AKAP9: variants seen among roughly 807,000 people sequenced by gnomAD.
AKAP9 encodes the protein A-kinase anchoring protein 9.
A neutral mutation model predicts 488.5 loss-of-function variants in AKAP9; 311 were observed. That is an observed-to-expected ratio of 0.64 (90% CI 0.58 to 0.70). The LOEUF (loss-of-function observed/expected upper bound fraction) is 0.70. Among genes scored for constraint, AKAP9 ranks in the 30% least tolerant of loss-of-function variants. AKAP9 has a pLI of 0.00. For missense variants in AKAP9, 4,215 were observed against 4,374.5 expected (o/e 0.96, Z 1.03); for synonymous variants, 1,462 against 1,483.5 (o/e 0.99, Z 0.33).
In AKAP9 at chr7:92,042,728, A is replaced by G. The variant is rs1473863937; in HGVS notation, c.5119A>G (p.Arg1707Gly). The change falls in exon 20 of 50, where the codon AGA becomes GGA. Residue 1707 changes from arginine to glycine, a missense_variant. By Grantham distance (125) the Arg-to-Gly change is moderately radical (BLOSUM62 -2). Transcript: ENST00000356239. ...EQTFKEKELD[R>G]KPEDVPPEIL... ...AACATTTAAAGAAAAGGAATTAGAC[A>G]GAAAACCTGAAGATGTGCCTCCTGA... 6.2e-7 allele frequency: 1 copy of G among 1,612,182 alleles called. No homozygotes were observed.
Position 92,077,827 on chromosome 7 carries a change from A to T in AKAP9, c.6897A>T (p.Glu2299Asp), listed in dbSNP as rs756994779. The T allele has an allele frequency of 6.2e-7, 1 of 1,613,794 alleles. No homozygotes were observed. ...EKEVEIDQLNEQVTKLQQQLK... is the reference protein window; with the variant it reads ...EKEVEIDQLNDQVTKLQQQLK... ...AGGTAGAAATTGACCAATTAAATGA[A>T]CAAGTTACGAAACTCCAGCAGCAAC... Residue 2299 changes from glutamate to aspartate, a missense_variant, in exon 30 of 50, where the codon GAA becomes GAT. This residue lies in a region of AKAP9 where 1,476 missense variants were observed against 1,477.4 expected (regional missense o/e 1.00). Transcript: ENST00000356239.
At chr7:92,033,442 C>CTTTTTTTTTTTTTTTT (rs35497475) in intron 16 of AKAP9, among the ~76,000 whole-genome samples, 24 of 107,370 alleles carry the variant, frequency 2.2e-4, no homozygotes, top group Non-Finnish European at 2.8e-4. Context: ...CTTTTCTTTT[C>CTTTTTTTTTTTTTTTT]TTTTTTTTTT....
chr7:92,010,304 T>C (rs1800517682), intron 8 of AKAP9, among the ~76,000 whole-genome samples: 1 of 152,254 alleles, frequency 6.6e-6, no homozygotes, highest in African/African-American at 2.4e-5. Flanking sequence ...GCTTGTTTAC[T>C]CATGTGGTCC....
chr7:91,943,213 CA>C (rs546278330), intron 1 of AKAP9, among the ~76,000 whole-genome samples: 69 of 148,056 alleles, frequency 4.7e-4, no homozygotes, highest in African/African-American at 1.5e-3. Flanking sequence ...AACAAACAAA[CA>C]AAAAAAAACC....
At chr7:92,093,435 T>C (rs1218616388) in intron 39 of AKAP9, 119 bp downstream of exon 39, 1 of 877,546 alleles carries the variant, frequency 1.1e-6, no homozygotes, top group Non-Finnish European at 1.8e-6. Context: ...TGCAACTGTT[T>C]TTTTTAGGAA....
chr7:92,102,720 C>G lies in AKAP9; in HGVS notation c.11224C>G (p.Arg3742Gly). 1 of 1,614,160 alleles carries G rather than the reference C, an allele frequency of 6.2e-7. No homozygotes were observed. Among genetic ancestry groups the G allele is most frequent in the Non-Finnish European group, 8.5e-7 (1 of 1,180,028 alleles). The change falls in exon 46 of 50, where the codon CGG (arginine) becomes GGG (glycine). Residue 3742 changes from arginine to glycine, a missense_variant. Transcript: ENST00000356239. ...AGATGCCACCTTGGCCCTGCTTGCC[C>G]GGATGGGGGGGCAGCCAGCTTTCAC... ...CEDATLALLA[R>G]MGGQPAFTDL...
intron 1 of AKAP9, among the ~76,000 whole-genome samples, chr7:91,964,295 A>C (rs1316965515): frequency 6.6e-6 from 1 of 152,212 alleles, no homozygotes; most frequent in African/African-American, 2.4e-5. Flanking sequence ...TTTCATAAAA[A>C]TAGATTATGC....
chr7:92,050,708 C>T (rs558956947), intron 21 of AKAP9, among the ~76,000 whole-genome samples: 3 of 152,276 alleles, frequency 2.0e-5, no homozygotes, highest in Admixed American at 6.5e-5. Context: ...TATCTACTTC[C>T]AAGGTTTCAA....
At chr7:91,966,003 A>G (rs1794400869) in intron 1 of AKAP9, among the ~76,000 whole-genome samples, 1 of 152,074 alleles carries the variant, frequency 6.6e-6, no homozygotes, top group Non-Finnish European at 1.5e-5. Context: ...CACTTTGTTG[A>G]TTGTTTCGTT....
intron 14 of AKAP9, among the ~76,000 whole-genome samples, chr7:92,023,716 G>A (rs992189290): frequency 6.6e-6 from 1 of 152,088 alleles, no homozygotes; most frequent in African/African-American, 2.4e-5. Flanking sequence ...TCATTCCAAA[G>A]CTCTTCTGTC....
At chr7:91,995,913 G>C in intron 7 of AKAP9, 113 bp downstream of exon 7, 1 of 754,722 alleles carries the variant, frequency 1.3e-6, no homozygotes, top group Non-Finnish European at 2.2e-6. Context: ...TCATAATTAA[G>C]CTCTTTGTGT....
intron 37 of AKAP9, among the ~76,000 whole-genome samples, chr7:92,086,990 C>G: frequency 6.6e-6 from 1 of 152,170 alleles, no homozygotes; most frequent in Admixed American, 6.6e-5. Context: ...TTCAGCACTA[C>G]TTTTGGGGGC....
At chr7:92,040,115 G>A (rs573456899) in intron 17 of AKAP9, among the ~76,000 whole-genome samples, 10 of 152,274 alleles carry the variant, frequency 6.6e-5, no homozygotes, top group Non-Finnish European at 1.0e-4. Context: ...TGATGTACTC[G>A]TAGAACATAT....
In AKAP9 at chr7:91,971,020, C is replaced by A. The variant is rs1425701288; in HGVS notation, c.49-2691C>A. ...TGGTACCAAAAAAAAGATACAAAAACAATACATAAATTGCAAAGACTCTCT... is the reference window on the plus strand; with the variant it reads ...TGGTACCAAAAAAAAGATACAAAAAAAATACATAAATTGCAAAGACTCTCT... On this transcript the variant is annotated intron_variant, in intron 1 of 49. Coordinates refer to ENST00000356239, the MANE Select transcript of AKAP9 (RefSeq NM_005751.5). Among the ~76,000 whole-genome samples the A allele has an allele frequency of 2.0e-5, 3 of 152,046 alleles. No individual in the cohort carries two copies. In the East Asian group the frequency reaches 5.8e-4, roughly 29 times the overall value.
intron 21 of AKAP9, among the ~76,000 whole-genome samples, chr7:92,051,900 G>A (rs1367124256): frequency 6.6e-6 from 1 of 152,166 alleles, no homozygotes; most frequent in Non-Finnish European, 1.5e-5. Context: ...GTATTTAATG[G>A]CAGTGGTGAA....
chr7:92,023,229 A>T (rs1353169087), intron 14 of AKAP9, among the ~76,000 whole-genome samples: 1 of 152,224 alleles, frequency 6.6e-6, no homozygotes, highest in Non-Finnish European at 1.5e-5. Context: ...AATTTTACTT[A>T]AATTTTTACA....
chr7:91,950,637 A>C (rs541136302), intron 1 of AKAP9, among the ~76,000 whole-genome samples: 60 of 152,322 alleles, frequency 3.9e-4, no homozygotes, highest in East Asian at 9.6e-4. Flanking sequence ...CATATGTATC[A>C]TGAATCAAAT....
intron 14 of AKAP9, among the ~76,000 whole-genome samples, chr7:92,026,728 G>T (rs1444529037): frequency 6.6e-6 from 1 of 152,242 alleles, no homozygotes; most frequent in Non-Finnish European, 1.5e-5. Context: ...AAAGTGCTGA[G>T]ATTACAGCCT....
intron 27 of AKAP9, 29 bp from the exon 28 acceptor site, chr7:92,070,876 A>G (rs973711548): frequency 2.0e-5 from 30 of 1,527,972 alleles, no homozygotes; most frequent in Non-Finnish European, 2.5e-5. Context: ...AATTTATCAA[A>G]TTTTGAGAAA....
Sources: gnomAD v4.1 joint callset for allele counts (sites outside exome capture counted in the v4.1 genomes callset) on GRCh38, gnomAD v4.1.1 for gene constraint, gnomAD v4.1.1 regional missense constraint, MANE v1.5 for transcripts, NCBI Gene and HGNC (gene_info 2026-07-23, HGNC 2026-07-21) for gene names.